The following GFOD1 variants were observed in gnomAD, a reference collection of about 807,000 sequenced individuals.
The protein encoded by GFOD1 is glucose-fructose oxidoreductase domain-containing protein 1.
GFOD1 carries 9 observed loss-of-function variants against 25.4 expected under a neutral mutation model. That is an observed-to-expected ratio of 0.35 (90% confidence interval 0.21 to 0.62). GFOD1 has a LOEUF of 0.62. Ranked by LOEUF, GFOD1 falls within the 20% of genes least tolerant of loss-of-function variation. GFOD1 has a pLI of 0.72. For missense variants in GFOD1, 403 were observed against 556.9 expected, an observed-to-expected ratio of 0.72 and a Z score of 2.78; for synonymous variants, 253 against 245.6, an observed-to-expected ratio of 1.03 and a Z score of -0.28.
At chr6:13,458,628 T>C (rs2841568) in intron 1 of GFOD1, among the ~76,000 whole-genome samples, 148,629 of 151,794 alleles carry the variant, frequency 0.98, 72,841 homozygotes, top group Middle Eastern at 1. Flanking sequence ...TTCTACAAAA[T>C]GGTACTAATA....
chr6:13,408,121 T>C (rs893241008), intron 1 of GFOD1: 1 of 984,552 alleles, frequency 1.0e-6, no homozygotes, highest in Non-Finnish European at 1.2e-6. Context: ...ATCCTCCACA[T>C]AGAGTCTTTA....
At chr6:13,403,660 G>A (rs1268638949) in intron 1 of GFOD1, among the ~76,000 whole-genome samples, 1 of 152,204 alleles carries the variant, frequency 6.6e-6, no homozygotes, top group Non-Finnish European at 1.5e-5. Context: ...TTACAAGACT[G>A]TATAGCCATA....
intron 1 of GFOD1, among the ~76,000 whole-genome samples, chr6:13,479,396 A>G (rs1758700163): frequency 6.6e-6 from 1 of 152,206 alleles, no homozygotes; most frequent in Non-Finnish European, 1.5e-5. Context: ...AAGGATGATT[A>G]TGACTCCCAA....
chr6:13,377,406 C>T, intron 1 of GFOD1, among the ~76,000 whole-genome samples: 1 of 152,194 alleles, frequency 6.6e-6, no homozygotes, highest in East Asian at 1.9e-4. Flanking sequence ...CTCATTCAGG[C>T]TGTTGGTTGA....
chr6:13,484,755 C>A (rs974565711), intron 1 of GFOD1, among the ~76,000 whole-genome samples: 6 of 152,170 alleles, frequency 3.9e-5, no homozygotes, highest in Non-Finnish European at 7.4e-5. Context: ...CCAGAGACAG[C>A]CAGAAAACAA....
Position 13,471,469 on chromosome 6 carries a change from G to A in GFOD1, c.253+15169C>T, listed in dbSNP as rs544185002. Among the ~76,000 whole-genome samples the A allele has an allele frequency of 2.1e-4, 32 of 152,304 alleles. No homozygotes were observed. The South Asian group carries it at 3.7e-3, about 18-fold the overall frequency. ...TCCTGTAATAAACCTGAGGGAAGGC[G>A]GGTGGAGCAGGGAGGGGCACTGTCA... On this transcript the variant is annotated intron_variant, in intron 1 of 1. Coordinates refer to ENST00000379287, the MANE Select transcript of GFOD1 (RefSeq NM_018988.4).
intron 1 of GFOD1, among the ~76,000 whole-genome samples, chr6:13,409,216 A>G (rs1014965395): frequency 4.7e-4 from 16 of 34,382 alleles, no homozygotes; most frequent in African/African-American, 6.5e-4. Context: ...AGAAGGAAAG[A>G]GAGAGAGAGG....
intron 1 of GFOD1, among the ~76,000 whole-genome samples, chr6:13,432,996 TTA>T (rs1757777456): frequency 6.6e-6 from 1 of 152,228 alleles, no homozygotes; most frequent in Non-Finnish European, 1.5e-5. Context: ...TACAAGTTAA[TTA>T]GAAACATCCA....
At position 13,487,258 on chromosome 6, in the gene GFOD1, G is replaced by A. The variant is rs935084367; in HGVS notation, c.-368C>T. ...GTGCGCCCCGCCAAGGCCGCTCCATGGCCGGCTCATCCCCGCGGCCGCGCC... is the reference window on the plus strand; with the variant it reads ...GTGCGCCCCGCCAAGGCCGCTCCATAGCCGGCTCATCCCCGCGGCCGCGCC... On this transcript the variant is annotated 5_prime_UTR_variant, in exon 1 of 2. Coordinates refer to ENST00000379287, the MANE Select transcript of GFOD1 (RefSeq NM_018988.4). The surrounding 1 kb of genome is among the most constrained non-coding windows in gnomAD (Gnocchi z 4.9). 6.3e-5 allele frequency: 14 copies of A among 221,438 alleles called. No homozygotes were observed. The highest frequency in any genetic ancestry group is 3.2e-4 in the African/African-American group (14 of 43,722). The allele number at this position is 221,438 out of a possible 1,614,324, so 13.7% of individuals were successfully genotyped here.
chr6:13,393,889 C>T (rs1158192193), intron 1 of GFOD1, among the ~76,000 whole-genome samples: 1 of 151,542 alleles, frequency 6.6e-6, no homozygotes, highest in Non-Finnish European at 1.5e-5. Context: ...GGCCACTCTC[C>T]TGCCTCAGCC....
chr6:13,428,321 C>T (rs1191886233), intron 1 of GFOD1, among the ~76,000 whole-genome samples: 1 of 152,190 alleles, frequency 6.6e-6, no homozygotes, highest in Non-Finnish European at 1.5e-5. Flanking sequence ...AAGCCACGAG[C>T]CTCACTCAGC....
intron 1 of GFOD1, among the ~76,000 whole-genome samples, chr6:13,461,318 T>C (rs373857967): frequency 6.6e-6 from 1 of 152,292 alleles, no homozygotes; most frequent in East Asian, 1.9e-4. Flanking sequence ...GAGCCAGAGC[T>C]GCTAGGGAGA....
In GFOD1 at chr6:13,364,036, A is replaced by C. The variant is rs975266487; in HGVS notation, c.*707T>G. Reference sequence around the variant, plus strand: ...GTGCTCTTTTCTTGTGGCTCCTGGGAGTCCTGCTTTTTGCTTGCTATTTCT... The same window carrying C: ...GTGCTCTTTTCTTGTGGCTCCTGGGCGTCCTGCTTTTTGCTTGCTATTTCT... On this transcript the variant is annotated 3_prime_UTR_variant, in exon 2 of 2. Transcript: ENST00000379287. This position sits in a 1 kb window ranked among gnomAD's most constrained non-coding sequence, Gnocchi z 4.1. 1 of 151,924 alleles carries C rather than the reference A, an allele frequency of 6.6e-6. No homozygotes were observed. Among genetic ancestry groups the C allele is most frequent in the Non-Finnish European group, 1.5e-5 (1 of 68,048 alleles). 9.4% of individuals were successfully genotyped at this position (151,924 alleles called of 1,614,324 possible). A position where few individuals can be genotyped will look rare whatever the true frequency, so the allele number is the denominator to read the frequency against.
intron 1 of GFOD1, among the ~76,000 whole-genome samples, chr6:13,427,192 A>ATGC (rs1757655059): frequency 6.6e-6 from 1 of 152,188 alleles, no homozygotes; most frequent in East Asian, 1.9e-4. Context: ...AGTCTTCCCA[A>ATGC]AACTGAAGGC....
intron 1 of GFOD1, among the ~76,000 whole-genome samples, chr6:13,433,277 G>A (rs1056358468): frequency 5.3e-5 from 8 of 152,068 alleles, no homozygotes; most frequent in South Asian, 4.1e-4. Flanking sequence ...CTGCCACCAC[G>A]CCTGGCTAAT....
intron 1 of GFOD1, among the ~76,000 whole-genome samples, chr6:13,411,520 G>C (rs944628653): frequency 3.9e-5 from 6 of 152,254 alleles, no homozygotes; most frequent in African/African-American, 1.4e-4. Flanking sequence ...TCGATCTCCT[G>C]ACCTCAAGTG....
intron 1 of GFOD1, among the ~76,000 whole-genome samples, chr6:13,394,235 T>C (rs1223480998): frequency 6.6e-6 from 1 of 152,174 alleles, no homozygotes; most frequent in African/African-American, 2.4e-5. Context: ...AGAAAGTTCT[T>C]CATGTATTAT....
rs114601068 is a variant in GFOD1 at position 13,400,384 on chromosome 6, C to T, written c.254-34722G>A. Among the ~76,000 whole-genome samples the T allele has an allele frequency of 3.5e-3, 539 of 152,288 alleles. 3 individuals are homozygous for T. Among genetic ancestry groups the T allele is most frequent in the African/African-American group, 0.012 (516 of 41,548 alleles). ...CACTGCGGAAGCCACCAAGATCCCA[C>T]TCCAGCTCCTAGGCACCTCTGTGCT... On this transcript the variant is annotated intron_variant, in intron 1 of 1. Coordinates refer to ENST00000379287, the MANE Select transcript of GFOD1 (RefSeq NM_018988.4).
chr6:13,420,750 G>C lies in GFOD1; in HGVS notation c.254-55088C>G, dbSNP rs1786241695. ...GGCCAATGGCTCTACTTCAACAAAG[G>C]ACTGATTTTTTCCGGGTCTTTGAGA... On this transcript the variant is annotated intron_variant, in intron 1 of 1. Transcript: ENST00000379287. Among the ~76,000 whole-genome samples, 3 of 152,170 alleles carry C rather than the reference G, an allele frequency of 2.0e-5. No individual in the cohort carries two copies. In the South Asian group the frequency reaches 6.2e-4, roughly 32 times the overall value.
Sources: allele counts gnomAD v4.1 joint callset (sites outside exome capture counted in the v4.1 genomes callset), GRCh38; gene constraint gnomAD v4.1.1; non-coding constraint Gnocchi (gnomAD v3.1); transcripts MANE v1.5; gene names NCBI Gene and HGNC (gene_info 2026-07-23, HGNC 2026-07-21).